ANKDD1B: variants seen among roughly 807,000 people sequenced by gnomAD.
ANKDD1B encodes ankyrin repeat and death domain-containing protein 1B.
In ANKDD1B, 57 loss-of-function variants were observed where a neutral mutation model predicts 59.7. That is an observed-to-expected ratio of 0.95 (90% CI 0.77 to 1.19). The LOEUF is 1.19. ANKDD1B is among the 50% of genes most tolerant of loss of function. ANKDD1B has a pLI of 0.00. For missense variants in ANKDD1B, 602 were observed against 641.9 expected (o/e 0.94, Z 0.67); for synonymous variants, 216 against 239.5 (o/e 0.90, Z 0.91).
In ANKDD1B at chr5:75,644,966, A is replaced by T. The variant is rs1007099958; in HGVS notation, c.799-8176A>T. Among the ~76,000 whole-genome samples the T allele has an allele frequency of 3.8e-5, 5 of 130,458 alleles. 1 individual carries two copies. The highest frequency in any genetic ancestry group is 2.2e-4 in the African/African-American group (5 of 22,616). The allele number at this position is 130,458 out of a possible 152,430, so 85.6% of individuals were successfully genotyped here. The stretch of plus-strand genomic sequence containing the variant: ...ATCTCACTCAAAGCCGCTCAACTAC[A>T]TGGAAACTGAACAACCTGCTCCTGA... On this transcript the variant is annotated intron_variant, in intron 7 of 13. Transcript: ENST00000601380.
At chr5:75,652,312 G>A (rs1331136878) in intron 7 of ANKDD1B, among the ~76,000 whole-genome samples, 2 of 152,236 alleles carry the variant, frequency 1.3e-5, no homozygotes, top group African/African-American at 2.4e-5. Flanking sequence ...TGTTGCACAC[G>A]TGTTCCCTAG....
At chr5:75,655,952 G>T in intron 8 of ANKDD1B, 77 bp from the exon 9 acceptor site, 1 of 680,032 alleles carries the variant, frequency 1.5e-6, no homozygotes, top group Non-Finnish European at 2.5e-6. Context: ...GGAAATAGCT[G>T]CTGAAATGAG....
intron 5 of ANKDD1B, among the ~76,000 whole-genome samples, chr5:75,629,437 A>T (rs78784566): frequency 4.0e-4 from 61 of 152,270 alleles, no homozygotes; most frequent in African/African-American, 1.4e-3. Flanking sequence ...AGAGCGACAC[A>T]TCTCAGGGAT....
chr5:75,625,650 G>A lies in ANKDD1B; in HGVS notation c.400G>A (p.Gly134Ser), dbSNP rs1011599765. 18 of 1,535,956 alleles carry A rather than the reference G, an allele frequency of 1.2e-5. No individual in the cohort carries two copies. Among genetic ancestry groups the A allele is most frequent in the Middle Eastern group, 1.7e-4 (1 of 5,850 alleles). ...TTTTTCTGTCTTCTTGGGGAAGCAC[G>A]GCTTGACAGTAATTCACCTTGCAGC... ...KARVDVADKH[G>S]LTVIHLAAWS... is the part of the protein sequence containing the mutation. Residue 134 changes from glycine (G) to serine (S), a missense_variant, in exon 4 of 14, where the codon GGC (glycine) becomes AGC (serine). Physicochemically the swap from Gly to Ser is moderately conservative, Grantham distance 56 (BLOSUM62 0). Transcript: ENST00000601380.
In ANKDD1B at chr5:75,611,678, G is replaced by C. The variant is rs61164763; in HGVS notation, c.44G>C (p.Gly15Ala). 8.9e-6 allele frequency: 11 copies of C among 1,231,576 alleles called. No individual in the cohort carries two copies. Among genetic ancestry groups the C allele is most frequent in the Admixed American group, 4.2e-5 (1 of 23,694 alleles). The allele number at this position is 1,231,576 out of a possible 1,614,324, so 76.3% of individuals were successfully genotyped here. ...GRARGQGATA[G>A]GLLLRAAAAA... Reference sequence around the variant, plus strand: ...GCCCGGGGCCAAGGGGCCACGGCAGGGGGGCTGCTGCTCCGGGCTGCTGCG... The same window carrying C: ...GCCCGGGGCCAAGGGGCCACGGCAGCGGGGCTGCTGCTCCGGGCTGCTGCG... Residue 15 changes from glycine (G) to alanine (A), a missense_variant, in exon 1 of 14, where the codon GGG becomes GCG. Gly to Ala is a moderately conservative substitution (Grantham distance 60, BLOSUM62 0). Transcript: ENST00000601380.
chr5:75,651,695 T>C (rs140334495), intron 7 of ANKDD1B, among the ~76,000 whole-genome samples: 27 of 152,344 alleles, frequency 1.8e-4, no homozygotes, highest in African/African-American at 5.8e-4. Flanking sequence ...CTGGTTCTAG[T>C]CCACTTCCTA....
At position 75,653,212 on chromosome 5, in the gene ANKDD1B, A is replaced by G; in HGVS notation, c.869A>G (p.Glu290Gly). The G allele has an allele frequency of 6.5e-7, 1 of 1,536,152 alleles. No homozygotes were observed. The highest frequency in any genetic ancestry group is 1.2e-5 in the South Asian group (1 of 84,060). Residue 290 changes from glutamate to glycine, a missense_variant, in exon 8 of 14, where the codon GAG (glutamate) becomes GGG (glycine). By Grantham distance (98) the Glu-to-Gly change is moderately conservative (BLOSUM62 -2). Around this residue, in one of 3 missense-constraint regions of ANKDD1B, gnomAD observed 280 missense variants for 319.8 expected, o/e 0.88. Coordinates refer to ENST00000601380, the MANE Select transcript of ANKDD1B (RefSeq NM_001276713.2). ...TCCCTTGTCAACTTTCTTCTCAGTG[A>G]GAACGTTGATCTGCACCAGAAAGTG... ...HASLVNFLLS[E>G]NVDLHQKVEP... is the part of the protein sequence containing the mutation.
chr5:75,636,035 T>A (rs767636753), intron 7 of ANKDD1B, among the ~76,000 whole-genome samples, 153 bp downstream of exon 7: 8 of 152,254 alleles, frequency 5.3e-5, no homozygotes, highest in Non-Finnish European at 7.3e-5. Context: ...CTTCAAAGTA[T>A]CCCACAGCAC....
At position 75,668,486 on chromosome 5, in the gene ANKDD1B, C is replaced by G. The variant is rs373840072; in HGVS notation, c.1394-766C>G. Among the ~76,000 whole-genome samples, 27 of 152,290 alleles carry G rather than the reference C, an allele frequency of 1.8e-4. No homozygotes were observed. The East Asian group carries it at 4.1e-3, about 23-fold the overall frequency. On this transcript the variant is annotated intron_variant, in intron 12 of 13. Coordinates refer to ENST00000601380, the MANE Select transcript of ANKDD1B (RefSeq NM_001276713.2). Reference sequence around the variant, plus strand: ...ACATTCTGTAAGTATGCAGTTCCCTCTCCCTGAAATGCCCGCTTCTCCATA... The same window carrying G: ...ACATTCTGTAAGTATGCAGTTCCCTGTCCCTGAAATGCCCGCTTCTCCATA...
intron 7 of ANKDD1B, among the ~76,000 whole-genome samples, chr5:75,637,349 T>G (rs1250903808): frequency 1.3e-5 from 2 of 151,342 alleles, no homozygotes; most frequent in East Asian, 3.9e-4. Context: ...TTGTGAGTCA[T>G]TTGCCCTGGA....
chr5:75,661,396 GAAAAAAAAAAAAAAAAA>G (rs11357068), intron 10 of ANKDD1B, among the ~76,000 whole-genome samples: 3 of 36,812 alleles, frequency 8.1e-5, no homozygotes, highest in African/African-American at 1.4e-4. Context: ...AACTCCGTCT[GAAAAAAAAAAAAAAAAA>G]AAAAAAAAAA....
At chr5:75,656,833 G>T (rs910305224) in intron 9 of ANKDD1B, among the ~76,000 whole-genome samples, 1 of 152,196 alleles carries the variant, frequency 6.6e-6, no homozygotes, top group Non-Finnish European at 1.5e-5. Flanking sequence ...AAGGCTCTGC[G>T]GTGCCCTTCC....
intron 5 of ANKDD1B, among the ~76,000 whole-genome samples, chr5:75,632,878 A>G (rs1408269834): frequency 6.6e-6 from 1 of 152,086 alleles, no homozygotes; most frequent in East Asian, 1.9e-4. Context: ...TGGTCACTCT[A>G]TTGCTTAGCA....
intron 8 of ANKDD1B, 128 bp downstream of exon 8, chr5:75,653,368 G>A: frequency 1.6e-6 from 1 of 629,700 alleles, no homozygotes; most frequent in Non-Finnish European, 2.8e-6. Flanking sequence ...TTCTGGGAAG[G>A]CTGGCTGACT....
chr5:75,640,383 G>GTA (rs1774433173), intron 7 of ANKDD1B, among the ~76,000 whole-genome samples: 2 of 152,132 alleles, frequency 1.3e-5, no homozygotes, highest in Admixed American at 1.3e-4. Context: ...TTTCTTATCT[G>GTA]TAACATGTGG....
At chr5:75,623,452 G>A (rs1773909628) in intron 3 of ANKDD1B, among the ~76,000 whole-genome samples, 1 of 152,088 alleles carries the variant, frequency 6.6e-6, no homozygotes, top group Admixed American at 6.5e-5. Flanking sequence ...GTGGAATTGT[G>A]TTTAGGGAAC....
intron 10 of ANKDD1B, among the ~76,000 whole-genome samples, chr5:75,660,480 G>C (rs529035507): frequency 6.7e-4 from 102 of 152,286 alleles, no homozygotes; most frequent in Non-Finnish European, 8.2e-4. Flanking sequence ...ACCACATTTT[G>C]TTCATTCATT....
At chr5:75,619,546 G>T (rs1240641062) in intron 2 of ANKDD1B, among the ~76,000 whole-genome samples, 1 of 152,060 alleles carries the variant, frequency 6.6e-6, no homozygotes, top group Admixed American at 6.5e-5. Flanking sequence ...ATATTTAAAT[G>T]GTTCTCATTT....
At position 75,635,793 on chromosome 5, in the gene ANKDD1B, A is replaced by T. The variant is rs1774283150; in HGVS notation, c.709A>T (p.Thr237Ser). 3 of 1,530,552 alleles carry T rather than the reference A, an allele frequency of 2.0e-6. No homozygotes were observed. Among genetic ancestry groups the T allele is most frequent in the Non-Finnish European group, 2.6e-6 (3 of 1,142,558 alleles). 94.8% of individuals were successfully genotyped at this position (1,530,552 alleles called of 1,614,324 possible). A position where few individuals can be genotyped will look rare whatever the true frequency, so the allele number is the denominator to read the frequency against. ...TGTGTCTCTGTTGCAGGGGGGAAACACTGCCTTGCACCTCGCTGCGAAGCA... is the reference window on the plus strand; with the variant it reads ...TGTGTCTCTGTTGCAGGGGGGAAACTCTGCCTTGCACCTCGCTGCGAAGCA... ...HTSEKDKGGN[T>S]ALHLAAKHGH... The change falls in exon 7 of 14, where the codon ACT becomes TCT. Residue 237 changes from threonine (T) to serine (S), a missense_variant. Coordinates refer to ENST00000601380, the MANE Select transcript of ANKDD1B (RefSeq NM_001276713.2).
Sources: allele counts gnomAD v4.1 joint callset (sites outside exome capture counted in the v4.1 genomes callset), GRCh38; gene constraint gnomAD v4.1.1; regional missense constraint gnomAD v4.1.1; transcripts MANE v1.5; gene names NCBI Gene and HGNC (gene_info 2026-07-23, HGNC 2026-07-21).